The following EFCAB3 variants were observed in gnomAD, a reference collection of about 807,000 sequenced individuals.
EFCAB3 encodes the protein EF-hand calcium binding domain 3, also known as EF-hand calcium-binding domain-containing protein 3.
In EFCAB3, 36 loss-of-function variants were observed where a neutral mutation model predicts 42.2. The observed-to-expected ratio is 0.85, with a 90% CI of 0.65 to 1.13. The LOEUF (loss-of-function observed/expected upper bound fraction) is 1.13, where lower values mean the gene tolerates loss of function less well. Ranked by LOEUF, EFCAB3 falls within the 50% of genes most tolerant of loss-of-function variation. EFCAB3 has a pLI of 0.00. For synonymous variants in EFCAB3, 170 were observed against 172.8 expected, an observed-to-expected ratio of 0.98 and a Z score of 0.13; for missense variants, 418 against 505.1, an observed-to-expected ratio of 0.83 and a Z score of 1.65.
At position 62,406,480 on chromosome 17, in the gene EFCAB3, C is replaced by G. The variant is rs758006256; in HGVS notation, c.489C>G (p.Ser163Arg). ...TTCTGAATTACTTTTTTTTTTAAAGCTATTTCCAAAGAAAATTCCAGCATA... is the reference window on the plus strand; with the variant it reads ...TTCTGAATTACTTTTTTTTTTAAAGGTATTTCCAAAGAAAATTCCAGCATA... The part of the protein sequence containing the change: ...LPRKSIIEIV[S>R]YFQRKFQHTG... The change falls in exon 7 of 10, where the codon AGC becomes AGG. Residue 163 changes from serine (S) to arginine (R), a missense_variant and splice_region_variant. Transcript: ENST00000305286. 1 of 1,565,662 alleles carries G rather than the reference C, an allele frequency of 6.4e-7. No homozygotes were observed. The highest frequency in any genetic ancestry group is 8.6e-7 in the Non-Finnish European group (1 of 1,156,926).
At chr17:62,370,807 G>T (rs1004051667) in intron 1 of EFCAB3, among the ~76,000 whole-genome samples, 2 of 151,990 alleles carry the variant, frequency 1.3e-5, no homozygotes, top group African/African-American at 2.4e-5. Context: ...AGATTTGGGG[G>T]CCAGACGTGG....
Position 62,396,902 on chromosome 17 carries a change from T to A in EFCAB3, c.488+1714T>A, listed in dbSNP as rs181769377. Among the ~76,000 whole-genome samples, 1,273 of 152,136 alleles carry A rather than the reference T, an allele frequency of 8.4e-3. 15 individuals carry two copies. Among genetic ancestry groups the A allele is most frequent in the African/African-American group, 0.029 (1,200 of 41,528 alleles). On this transcript the variant is annotated intron_variant, in intron 6 of 9. Coordinates refer to ENST00000305286, the MANE Select transcript of EFCAB3 (RefSeq NM_173503.4). ...CTAAAAAAATAAAATAAAAATAAAA[T>A]TTTTTTAAAAAGAATATACATATTA...
chr17:62,386,645 G>GTAAA (rs1487741880), intron 2 of EFCAB3, among the ~76,000 whole-genome samples: 2 of 152,262 alleles, frequency 1.3e-5, no homozygotes, highest in Non-Finnish European at 2.9e-5. Context: ...AAAGCATTAT[G>GTAAA]GCCTTGACTT....
At chr17:62,403,840 G>A (rs147558648) in intron 6 of EFCAB3, among the ~76,000 whole-genome samples, 123 of 152,284 alleles carry the variant, frequency 8.1e-4, no homozygotes, top group Non-Finnish European at 1.3e-3. Flanking sequence ...TGTAAAGACA[G>A]GGTTTCACCA....
intron 8 of EFCAB3, among the ~76,000 whole-genome samples, chr17:62,410,455 G>A (rs570878402): frequency 2.6e-5 from 4 of 151,972 alleles, no homozygotes; most frequent in African/African-American, 7.2e-5. Flanking sequence ...CTATGACCAC[G>A]TTAAAATATT....
At chr17:62,406,785 T>A in intron 7 of EFCAB3, 112 bp downstream of exon 7, 1 of 1,142,444 alleles carries the variant, frequency 8.8e-7, no homozygotes, top group Admixed American at 2.5e-5. Context: ...CAGCCTATTC[T>A]GAGTGACCAC....
chr17:62,387,046 C>A (rs1777723629), intron 2 of EFCAB3, among the ~76,000 whole-genome samples: 1 of 152,152 alleles, frequency 6.6e-6, no homozygotes, highest in African/African-American at 2.4e-5. Context: ...CTTGCCTTGA[C>A]CTCCCAAAGG....
chr17:62,414,700 C>A (rs2070530103), intron 9 of EFCAB3, among the ~76,000 whole-genome samples: 1 of 152,040 alleles, frequency 6.6e-6, no homozygotes, highest in South Asian at 2.1e-4. Context: ...CAGTTGATAG[C>A]ATCTACTCAG....
chr17:62,395,551 C>T (rs149934392), intron 6 of EFCAB3, among the ~76,000 whole-genome samples: 14 of 152,258 alleles, frequency 9.2e-5, no homozygotes, highest in African/African-American at 3.1e-4. Flanking sequence ...ATAAGACACT[C>T]TTGTTCATGC....
chr17:62,407,300 A>G (rs2070457274), intron 8 of EFCAB3, 88 bp downstream of exon 8: 3 of 1,201,834 alleles, frequency 2.5e-6, no homozygotes, highest in South Asian at 2.2e-5. Flanking sequence ...TTTACAACAA[A>G]TAGTTTTAGT....
chr17:62,379,791 T>A (rs758880296), upstream of EFCAB3, among the ~76,000 whole-genome samples: 2 of 152,182 alleles, frequency 1.3e-5, no homozygotes, highest in Non-Finnish European at 2.9e-5. Context: ...ACATGTCAGA[T>A]CATGAATACC....
At chr17:62,403,311 T>C (rs2070420381) in intron 6 of EFCAB3, among the ~76,000 whole-genome samples, 1 of 152,142 alleles carries the variant, frequency 6.6e-6, no homozygotes. Context: ...ATGAAAGCAA[T>C]GCATTTCTCT....
Position 62,395,068 on chromosome 17 carries a change from T to C in EFCAB3, c.368T>C (p.Val123Ala). ...TCTATCTTTTGTTTTCCCTCCATAG[T>C]TCCAGAAAAGGAGACCTGTTTAGAT... Reference protein sequence around the residue: ...TDKNLFLKAVVPEKETCLDLA... With the variant: ...TDKNLFLKAVAPEKETCLDLA... Residue 123 changes from valine to alanine, a missense_variant and splice_region_variant, in exon 6 of 10, where the codon GTT (valine) becomes GCT (alanine). By Grantham distance (64) the Val-to-Ala change is moderately conservative (BLOSUM62 0). Transcript: ENST00000305286. 1 of 1,613,460 alleles carries C rather than the reference T, an allele frequency of 6.2e-7. No homozygotes were observed. Among genetic ancestry groups the C allele is most frequent in the Non-Finnish European group, 8.5e-7 (1 of 1,179,902 alleles).
chr17:62,381,770 G>A (rs1041574558), intron 1 of EFCAB3: 6 of 405,078 alleles, frequency 1.5e-5, no homozygotes, highest in East Asian at 7.7e-5. Context: ...GCATCGAGGC[G>A]GACGACGACC....
chr17:62,392,582 A>C (rs2070313053), intron 4 of EFCAB3, among the ~76,000 whole-genome samples: 1 of 152,074 alleles, frequency 6.6e-6, no homozygotes, highest in Non-Finnish European at 1.5e-5. Context: ...AGTCCCACCT[A>C]TATTGAATTT....
Position 62,406,761 on chromosome 17 carries a change from T to C in EFCAB3, c.682+88T>C, listed in dbSNP as rs536836675. 1.4e-5 allele frequency: 20 copies of C among 1,419,874 alleles called. No individual in the cohort carries two copies. The Admixed American group carries it at 2.6e-4, about 19-fold the overall frequency. The allele number at this position is 1,419,874 out of a possible 1,614,324, so 88.0% of individuals were successfully genotyped here. On this transcript the variant is annotated intron_variant, in intron 7 of 9. Coordinates refer to ENST00000305286, the MANE Select transcript of EFCAB3 (RefSeq NM_173503.4). ...AAGAAGTACTAGAGCCCAAATGGCA[T>C]AAGAACAGGACTGCAGCCTATTCTG...
chr17:62,387,320 A>G lies in EFCAB3; in HGVS notation c.75-20A>G. On this transcript the variant is annotated intron_variant, in intron 2 of 9. Coordinates refer to ENST00000305286, the MANE Select transcript of EFCAB3 (RefSeq NM_173503.4). ...TTTCACATAGGTAGTAAATCTAAAT[A>G]TTTTCACATCTTTCCTCAGGGATAG... 6.3e-7 allele frequency: 1 copy of G among 1,588,410 alleles called. No homozygotes were observed. The highest frequency in any genetic ancestry group is 1.3e-5 in the African/African-American group (1 of 74,420).
chr17:62,388,096 G>A (rs1441444106), intron 3 of EFCAB3, among the ~76,000 whole-genome samples: 1 of 152,134 alleles, frequency 6.6e-6, no homozygotes, highest in Non-Finnish European at 1.5e-5. Flanking sequence ...TGTAATCCCA[G>A]CTATTTGGGA....
intron 6 of EFCAB3, among the ~76,000 whole-genome samples, chr17:62,402,194 G>A (rs1289625205): frequency 3.3e-5 from 5 of 152,198 alleles, no homozygotes; most frequent in Non-Finnish European, 7.3e-5. Flanking sequence ...TTTGGGCTGA[G>A]ACGATGGGGT....
Sources: allele counts gnomAD v4.1 joint callset (sites outside exome capture counted in the v4.1 genomes callset), GRCh38; gene constraint gnomAD v4.1.1; transcripts MANE v1.5; gene names NCBI Gene and HGNC (gene_info 2026-07-23, HGNC 2026-07-21).